The following CACNA1D variants were observed in gnomAD, a reference collection of about 807,000 sequenced individuals.
The protein encoded by CACNA1D is calcium voltage-gated channel subunit alpha1 D.
A neutral mutation model predicts 257.1 loss-of-function variants in CACNA1D; 55 were observed. That is an observed-to-expected ratio of 0.21 (90% CI 0.17 to 0.27). The LOEUF (loss-of-function observed/expected upper bound fraction) is 0.27. CACNA1D is among the 10% of genes least tolerant of loss of function. CACNA1D has a pLI of 1.00. For missense variants in CACNA1D, 1,876 were observed against 2,784.0 expected (o/e 0.67, Z 7.34); for synonymous variants, 980 against 1,014.9 (o/e 0.97, Z 0.65).
chr3:53,495,279 C>G lies in CACNA1D; in HGVS notation c.67+46C>G, dbSNP rs1302417624. ...CACCCGCTGCCAAATCCGATCCTGT[C>G]ATGGTCCTCCAGCCCCCTCCCCCTT... On this transcript the variant is annotated intron_variant, in intron 1 of 47. Coordinates refer to ENST00000350061, the MANE Select transcript of CACNA1D (RefSeq NM_001128840.3). The surrounding 1 kb of genome is among the most constrained non-coding windows in gnomAD (Gnocchi z 5.1). The G allele has an allele frequency of 4.3e-6, 7 of 1,610,816 alleles. No individual in the cohort carries two copies. The highest frequency in any genetic ancestry group is 1.9e-4 in the Middle Eastern group (1 of 5,232).
chr3:53,715,306 G>A (rs1446679121), intron 9 of CACNA1D, among the ~76,000 whole-genome samples: 1 of 152,072 alleles, frequency 6.6e-6, no homozygotes, highest in African/African-American at 2.4e-5. Flanking sequence ...ATGTGCCTGT[G>A]GCTCTTTAGG....
intron 3 of CACNA1D, among the ~76,000 whole-genome samples, chr3:53,577,852 C>T (rs933631455): frequency 1.3e-5 from 2 of 152,138 alleles, no homozygotes; most frequent in African/African-American, 4.8e-5. Context: ...TAGATTGCTT[C>T]TAAAGGCACT....
chr3:53,772,759 G>T, intron 32 of CACNA1D, 74 bp from the exon 33 acceptor site: 1 of 1,057,080 alleles, frequency 9.5e-7, no homozygotes. Flanking sequence ...GCCACTCATG[G>T]GTCTTCTCAG....
chr3:53,619,349 C>G (rs1390584561), intron 3 of CACNA1D, among the ~76,000 whole-genome samples: 3 of 152,188 alleles, frequency 2.0e-5, no homozygotes, highest in Non-Finnish European at 4.4e-5. Context: ...CCTTTCATTC[C>G]TCTGTGAAGA....
intron 3 of CACNA1D, among the ~76,000 whole-genome samples, chr3:53,590,608 G>C (rs1305158687): frequency 6.6e-6 from 1 of 152,242 alleles, no homozygotes; most frequent in African/African-American, 2.4e-5. Context: ...CAAAACAACT[G>C]TGGTCATCAC....
intron 7 of CACNA1D, among the ~76,000 whole-genome samples, chr3:53,666,874 G>C (rs2094270303): frequency 6.6e-6 from 1 of 152,078 alleles, no homozygotes; most frequent in Admixed American, 6.6e-5. Context: ...AGAGCCAAAG[G>C]GTCACTTTCC....
intron 17 of CACNA1D, 25 bp downstream of exon 17, chr3:53,731,171 C>T (rs746661223): frequency 6.7e-7 from 1 of 1,499,352 alleles, no homozygotes; most frequent in South Asian, 1.1e-5. Flanking sequence ...ATGCTTCTCC[C>T]CTTTTTGTTT....
intron 28 of CACNA1D, 38 bp from the exon 29 acceptor site, chr3:53,753,534 T>C: frequency 2.3e-6 from 3 of 1,328,780 alleles, no homozygotes; most frequent in Non-Finnish European, 3.3e-6. Context: ...AGATCGTGGC[T>C]GAGGCTCTGA....
chr3:53,679,683 C>G (rs2094410954), intron 8 of CACNA1D: 1 of 152,190 alleles, frequency 6.6e-6, no homozygotes, highest in Non-Finnish European at 1.5e-5. Context: ...TGACAGAATG[C>G]TAAAGACACC....
At chr3:53,726,832 G>A (rs1288955009) in intron 14 of CACNA1D, 47 bp from the exon 15 acceptor site, 2 of 1,613,882 alleles carry the variant, frequency 1.2e-6, no homozygotes, top group Non-Finnish European at 1.7e-6. Context: ...GAGAGCGGCT[G>A]CAATTTGTGA....
rs1390601705 is a variant in CACNA1D, at chr3:53,808,688, G to A, written c.5789G>A (p.Arg1930Gln). Reference protein sequence around the residue: ...RSSFNFECLRRQSSQEEVPSS... With the variant: ...RSSFNFECLRQQSSQEEVPSS... Reference sequence around the variant, plus strand: ...TCCTTCAACTTTGAGTGCCTGCGCCGGCAGAGCAGCCAGGAAGAGGTCCCG... The same window carrying A: ...TCCTTCAACTTTGAGTGCCTGCGCCAGCAGAGCAGCCAGGAAGAGGTCCCG... Residue 1930 changes from arginine (R) to glutamine (Q), a missense_variant, in exon 46 of 48, where the codon CGG (arginine) becomes CAG (glutamine). Physicochemically the swap from Arg to Gln is conservative, Grantham distance 43. Transcript: ENST00000350061. 1.3e-5 allele frequency: 21 copies of A among 1,609,434 alleles called. No individual in the cohort carries two copies. The highest frequency in any genetic ancestry group is 1.8e-5 in the Non-Finnish European group (21 of 1,179,982).
At chr3:53,776,133 C>A in intron 35 of CACNA1D, 88 bp downstream of exon 35, 1 of 1,202,096 alleles carries the variant, frequency 8.3e-7, no homozygotes, top group Non-Finnish European at 1.2e-6. Context: ...CCTGTCCCAT[C>A]GCCTGAGGAC....
At chr3:53,785,043 T>G (rs139360622) in intron 39 of CACNA1D, among the ~76,000 whole-genome samples, 1 of 152,184 alleles carries the variant, frequency 6.6e-6, no homozygotes, top group African/African-American at 2.4e-5. Flanking sequence ...GAGACCCACA[T>G]GGAATTCTTC....
At chr3:53,550,277 G>A (rs946797864) in intron 3 of CACNA1D, among the ~76,000 whole-genome samples, 9 of 152,178 alleles carry the variant, frequency 5.9e-5, no homozygotes, top group African/African-American at 1.9e-4. Context: ...ATCAGGCAGC[G>A]CAGAGGAGCA....
At chr3:53,605,025 C>G (rs933144318) in intron 3 of CACNA1D, among the ~76,000 whole-genome samples, 1 of 152,184 alleles carries the variant, frequency 6.6e-6, no homozygotes, top group Non-Finnish European at 1.5e-5. Flanking sequence ...CAAGAAGGTG[C>G]ACTTATGTGT....
chr3:53,598,202 A>G (rs2093395497), intron 3 of CACNA1D, among the ~76,000 whole-genome samples: 1 of 152,184 alleles, frequency 6.6e-6, no homozygotes, highest in African/African-American at 2.4e-5. Flanking sequence ...AGTCATAACT[A>G]ATAACTTTTA....
intron 3 of CACNA1D, among the ~76,000 whole-genome samples, chr3:53,520,890 C>CTTTCTTTCTTTCTTTCTTTCTTTCT (rs1366127073): frequency 1.7e-5 from 2 of 120,556 alleles, no homozygotes; most frequent in Non-Finnish European, 3.6e-5. Context: ...TTCTTTCTTT[C>CTTTCTTTCTTTCTTTCTTTCTTTCT]TTTCTTTTCT....
chr3:53,652,154 C>T (rs566943423), intron 4 of CACNA1D, among the ~76,000 whole-genome samples: 1 of 152,264 alleles, frequency 6.6e-6, no homozygotes, highest in South Asian at 2.1e-4. Context: ...CAAGCCGAAG[C>T]CTTGCAGGTA....
intron 45 of CACNA1D, 159 bp downstream of exon 45, chr3:53,805,305 C>T (rs779221279): frequency 1.5e-6 from 1 of 673,854 alleles, no homozygotes; most frequent in Non-Finnish European, 2.6e-6. Flanking sequence ...TGCTTTCCTT[C>T]CTTTCTCATC....
Sources: allele counts gnomAD v4.1 joint callset (sites outside exome capture counted in the v4.1 genomes callset), GRCh38; gene constraint gnomAD v4.1.1; non-coding constraint Gnocchi (gnomAD v3.1); transcripts MANE v1.5; gene names NCBI Gene and HGNC (gene_info 2026-07-23, HGNC 2026-07-21).